Variants in PCDH15 observed in about 807,000 individuals in gnomAD.
PCDH15 encodes protocadherin related 15.
Under a neutral mutation model 178.5 loss-of-function variants are expected in PCDH15, and 129 were observed. That is an observed-to-expected ratio of 0.72 (90% CI 0.63 to 0.84). PCDH15 has a LOEUF of 0.84. Ranked by LOEUF, PCDH15 falls within the 40% of genes least tolerant of loss-of-function variation. PCDH15 has a pLI of 0.00. For synonymous variants in PCDH15, 800 were observed against 732.0 expected (o/e 1.09, Z -1.50); for missense variants, 2,230 against 2,099.9 (o/e 1.06, Z -1.21).
At chr10:54,246,575 A>G (rs2055949578) in intron 8 of PCDH15, among the ~76,000 whole-genome samples, 1 of 151,868 alleles carries the variant, frequency 6.6e-6, no homozygotes, top group Admixed American at 6.6e-5. Flanking sequence ...TTTATATGTT[A>G]GTTTTTTTTC....
chr10:54,473,541 T>G (rs1379354758), intron 3 of PCDH15, among the ~76,000 whole-genome samples: 1 of 152,114 alleles, frequency 6.6e-6, no homozygotes, highest in East Asian at 1.9e-4. Flanking sequence ...TTCCTTCTAT[T>G]TTATTGTTAA....
chr10:55,091,189 T>C (rs917019920), intron 2 of PCDH15, among the ~76,000 whole-genome samples: 1 of 151,984 alleles, frequency 6.6e-6, no homozygotes, highest in Non-Finnish European at 1.5e-5. Context: ...AATGAAACAG[T>C]TAATGATCCT....
intron 18 of PCDH15, among the ~76,000 whole-genome samples, chr10:54,062,676 A>G (rs2135765563): frequency 6.6e-6 from 1 of 152,270 alleles, no homozygotes; most frequent in South Asian, 2.1e-4. Flanking sequence ...AAACTGAAAT[A>G]AATTATAGAG....
chr10:55,429,046 C>T (rs1411029055), intron 2 of PCDH15, among the ~76,000 whole-genome samples: 2 of 152,028 alleles, frequency 1.3e-5, no homozygotes, highest in East Asian at 3.9e-4. Flanking sequence ...ACATATTTGA[C>T]TTCCACACAT....
rs1404907641 is a variant in PCDH15 at position 55,547,572 on chromosome 10, T to C, written c.-156+80053A>G. Among the ~76,000 whole-genome samples, 3 of 150,644 alleles carry C rather than the reference T, an allele frequency of 2.0e-5. No individual in the cohort carries two copies. The East Asian group carries it at 5.8e-4, about 29-fold the overall frequency. On this transcript the variant is annotated intron_variant, in intron 2 of 5. Transcript: ENST00000613346. The stretch of plus-strand genomic sequence containing the variant: ...ATCACAAATTGTTTTCAATTCTGTA[T>C]GGCTAAAGTAAAAAAAACAAACAAA...
At chr10:55,499,051 A>G (rs1840596526) in intron 2 of PCDH15, among the ~76,000 whole-genome samples, 1 of 151,882 alleles carries the variant, frequency 6.6e-6, no homozygotes, top group Non-Finnish European at 1.5e-5. Flanking sequence ...CAACTGGAGA[A>G]AATGTTTGAC....
chr10:55,186,702 A>G (rs1839809158), intron 1 of PCDH15, among the ~76,000 whole-genome samples: 1 of 151,684 alleles, frequency 6.6e-6, no homozygotes, highest in Non-Finnish European at 1.5e-5. Context: ...GTACATTTAC[A>G]TAGAACTACC....
chr10:54,481,293 C>T (rs559336841), intron 3 of PCDH15, among the ~76,000 whole-genome samples: 23 of 151,676 alleles, frequency 1.5e-4, no homozygotes, highest in South Asian at 4.2e-4. Context: ...CATTTTAAAT[C>T]GGTCTGGCGC....
At chr10:54,003,325 T>C (rs1055841144) in intron 20 of PCDH15, among the ~76,000 whole-genome samples, 3 of 152,004 alleles carry the variant, frequency 2.0e-5, no homozygotes, top group Non-Finnish European at 4.4e-5. Flanking sequence ...AGAAAGTTTG[T>C]TTTTTTAAAA....
chr10:54,656,445 G>A (rs761416379), intron 2 of PCDH15, among the ~76,000 whole-genome samples: 15 of 152,240 alleles, frequency 9.9e-5, no homozygotes, highest in Non-Finnish European at 1.3e-4. Flanking sequence ...AATGATGTCC[G>A]TGGCAATTTG....
chr10:55,567,943 A>T (rs534665344), intron 2 of PCDH15, among the ~76,000 whole-genome samples: 3 of 152,172 alleles, frequency 2.0e-5, no homozygotes, highest in African/African-American at 7.2e-5. Flanking sequence ...TGGAGAGAAC[A>T]TAAAACCCTT....
chr10:54,693,045 G>A (rs564460315), intron 1 of PCDH15, among the ~76,000 whole-genome samples: 2 of 151,616 alleles, frequency 1.3e-5, no homozygotes, highest in East Asian at 2.0e-4. Flanking sequence ...ACCCTACCCC[G>A]CAACAGGCCC....
At chr10:55,011,123 C>A (rs1442875913) in intron 2 of PCDH15, among the ~76,000 whole-genome samples, 1 of 149,332 alleles carries the variant, frequency 6.7e-6, no homozygotes, top group Non-Finnish European at 1.5e-5. Context: ...CACACACATA[C>A]ACGTGCATAC....
rs527636852 is a variant in PCDH15, at chr10:54,567,963, T to C, written c.92-40086A>G. Reference sequence around the variant, plus strand: ...TTGAGTAATTCAATCTTGTAAAAATTATTTCTGCTACGTATACTTATCTAA... The same window carrying C: ...TTGAGTAATTCAATCTTGTAAAAATCATTTCTGCTACGTATACTTATCTAA... On this transcript the variant is annotated intron_variant, in intron 2 of 37. Transcript: ENST00000644397. 5.3e-5 allele frequency among the ~76,000 whole-genome samples: 8 copies of C among 152,288 alleles called. No individual in the cohort carries two copies. The South Asian group carries it at 1.4e-3, about 28-fold the overall frequency.
At chr10:55,490,544 C>A (rs550249215) in intron 2 of PCDH15, among the ~76,000 whole-genome samples, 1 of 151,816 alleles carries the variant, frequency 6.6e-6, no homozygotes, top group East Asian at 2.0e-4. Context: ...TCCTAGGGAC[C>A]TCAGAAGAGC....
At chr10:54,172,304 A>AC (rs1243076994) in intron 13 of PCDH15, among the ~76,000 whole-genome samples, 1 of 147,842 alleles carries the variant, frequency 6.8e-6, no homozygotes, top group African/African-American at 2.5e-5. Flanking sequence ...GCACCTTGCG[A>AC]CCCCCGACTC....
chr10:53,848,733 A>G (rs2078141434), intron 28 of PCDH15, among the ~76,000 whole-genome samples: 1 of 152,036 alleles, frequency 6.6e-6, no homozygotes, highest in African/African-American at 2.4e-5. Context: ...TTGAAGCACA[A>G]TTCAAAGATT....
At chr10:55,542,384 AGT>A (rs1217132329) in intron 2 of PCDH15, among the ~76,000 whole-genome samples, 1 of 150,846 alleles carries the variant, frequency 6.6e-6, no homozygotes, top group East Asian at 2.0e-4. Flanking sequence ...GTCTATATAT[AGT>A]GTGTACATGG....
intron 2 of PCDH15, among the ~76,000 whole-genome samples, chr10:55,139,013 A>G (rs974326521): frequency 6.6e-6 from 1 of 152,098 alleles, no homozygotes; most frequent in Non-Finnish European, 1.5e-5. Flanking sequence ...TCATTTAGCC[A>G]TACTGGTAAG....
Sources: allele counts gnomAD v4.1 joint callset (sites outside exome capture counted in the v4.1 genomes callset), GRCh38; gene constraint gnomAD v4.1.1; transcripts MANE v1.5; gene names NCBI Gene and HGNC (gene_info 2026-07-23, HGNC 2026-07-21).